The following ANKFY1 variants were observed in gnomAD, a reference collection of about 807,000 sequenced individuals.
The protein encoded by ANKFY1 is ankyrin repeat and FYVE domain containing 1.
Under a neutral mutation model 128.3 loss-of-function variants are expected in ANKFY1, and 47 were observed. The ratio of observed to expected loss-of-function variants is 0.37; its 90% CI spans 0.29 to 0.47. The LOEUF (loss-of-function observed/expected upper bound fraction) is 0.47. Ranked by LOEUF, ANKFY1 falls within the 20% of genes least tolerant of loss-of-function variation. ANKFY1 has a pLI of 1.00. For synonymous variants in ANKFY1, 553 were observed against 601.6 expected (o/e 0.92, Z 1.18); for missense variants, 1,222 against 1,510.6 (o/e 0.81, Z 3.17).
intron 1 of ANKFY1, among the ~76,000 whole-genome samples, chr17:4,259,185 G>A (rs1312236015): frequency 6.6e-6 from 1 of 152,208 alleles, no homozygotes. Flanking sequence ...AGGACACTGA[G>A]ACTGACAGCA....
intron 2 of ANKFY1, among the ~76,000 whole-genome samples, chr17:4,239,209 T>C (rs974296421): frequency 6.6e-6 from 1 of 152,240 alleles, no homozygotes. Flanking sequence ...ATAAAATTAC[T>C]AATCAATTGA....
chr17:4,228,504 C>A (rs564209713), intron 3 of ANKFY1, among the ~76,000 whole-genome samples: 281 of 152,070 alleles, frequency 1.8e-3, no homozygotes, highest in African/African-American at 6.6e-3. Context: ...GCAACCTCTG[C>A]CTCCCAGGTT....
rs1008078735 is a variant in ANKFY1, at chr17:4,167,459, A to C, written c.*320T>G. ...ATGGACACCAAGCTACTGGAAGGGG[A>C]AATGGTTTTCCAAGTGTCCCTGTAT... On this transcript the variant is annotated 3_prime_UTR_variant, in exon 25 of 25. Transcript: ENST00000341657. The surrounding 1 kb of genome is among the most constrained non-coding windows in gnomAD (Gnocchi z 4.1). The C allele has an allele frequency of 4.9e-6, 1 of 202,860 alleles. No homozygotes were observed. The highest frequency in any genetic ancestry group is 9.9e-6 in the Non-Finnish European group (1 of 101,228). 12.6% of individuals were successfully genotyped at this position (202,860 alleles called of 1,614,324 possible).
chr17:4,263,442 G>T (rs1288513639), intron 1 of ANKFY1, among the ~76,000 whole-genome samples: 1 of 152,174 alleles, frequency 6.6e-6, no homozygotes, highest in Non-Finnish European at 1.5e-5. Flanking sequence ...CTGAAGCGTG[G>T]GCCAGCTCGC....
chr17:4,221,235 G>T (rs2060306455), intron 3 of ANKFY1, among the ~76,000 whole-genome samples: 1 of 152,034 alleles, frequency 6.6e-6, no homozygotes, highest in African/African-American at 2.4e-5. Context: ...ATTTATTTAG[G>T]GACAGAGCCA....
intron 17 of ANKFY1, 65 bp downstream of exon 17, chr17:4,179,656 C>T (rs1436733370): frequency 1.3e-6 from 2 of 1,583,984 alleles, no homozygotes; most frequent in Non-Finnish European, 1.7e-6. Context: ...GGTCCTCTGC[C>T]ATAGGAGGAG....
intron 8 of ANKFY1, 96 bp downstream of exon 8, chr17:4,197,277 C>T: frequency 7.6e-7 from 1 of 1,318,094 alleles, no homozygotes; most frequent in East Asian, 2.3e-5. Context: ...TAATGCCAAA[C>T]TAAAGAACAT....
chr17:4,249,629 A>T (rs1967729147), intron 1 of ANKFY1, among the ~76,000 whole-genome samples: 1 of 152,154 alleles, frequency 6.6e-6, no homozygotes, highest in African/African-American at 2.4e-5. Flanking sequence ...TGGAACACCT[A>T]GAATTCTGTA....
intron 3 of ANKFY1, among the ~76,000 whole-genome samples, chr17:4,234,210 T>C (rs1192137948): frequency 6.6e-6 from 1 of 151,646 alleles, no homozygotes; most frequent in African/African-American, 2.4e-5. Context: ...AACTATACTC[T>C]ATGATGCTCC....
chr17:4,169,297 C>A lies in ANKFY1; in HGVS notation c.3287-9G>T. 1 of 1,543,644 alleles carries A rather than the reference C, an allele frequency of 6.5e-7. No homozygotes were observed. Among genetic ancestry groups the A allele is most frequent in the African/African-American group, 1.4e-5 (1 of 73,024 alleles). ...CTCCTTGGACAGCATATCTGCAACA[C>A]AGGGGGGAGGCCCGGTCCCGTCAAA... On this transcript the variant is annotated splice_polypyrimidine_tract_variant and intron_variant, in intron 23 of 24. Coordinates refer to ENST00000341657, the MANE Select transcript of ANKFY1 (RefSeq NM_001330063.2). The surrounding 1 kb of genome is among the most constrained non-coding windows in gnomAD (Gnocchi z 5.0).
chr17:4,201,622 T>C (rs573323781), intron 7 of ANKFY1, among the ~76,000 whole-genome samples: 10 of 152,328 alleles, frequency 6.6e-5, no homozygotes, highest in African/African-American at 2.2e-4. Flanking sequence ...GAATGAATCA[T>C]GACTTCAGGT....
intron 3 of ANKFY1, among the ~76,000 whole-genome samples, chr17:4,225,119 G>T (rs1598107867): frequency 6.6e-6 from 1 of 151,996 alleles, no homozygotes; most frequent in African/African-American, 2.4e-5. Flanking sequence ...ACTCTGGGAG[G>T]CCGAGGCAGG....
chr17:4,244,768 G>A (rs1392691887), intron 1 of ANKFY1, among the ~76,000 whole-genome samples: 3 of 151,794 alleles, frequency 2.0e-5, no homozygotes, highest in Non-Finnish European at 4.4e-5. Context: ...AAATCTGATC[G>A]CTCTCCTCGA....
chr17:4,211,975 T>TA (rs1307278655), intron 4 of ANKFY1, among the ~76,000 whole-genome samples: 29 of 151,326 alleles, frequency 1.9e-4, no homozygotes, highest in African/African-American at 7.0e-4. Flanking sequence ...GGCAAATAGG[T>TA]CTCTGGTAGC....
At position 4,165,022 on chromosome 17, in the gene ANKFY1, C is replaced by G. The variant is rs969903494; in HGVS notation, c.*2757G>C. 6.6e-6 allele frequency: 1 copy of G among 152,544 alleles called. No homozygotes were observed. The highest frequency in any genetic ancestry group is 2.4e-5 in the African/African-American group (1 of 41,444). 9.4% of individuals were successfully genotyped at this position (152,544 alleles called of 1,614,324 possible). On this transcript the variant is annotated 3_prime_UTR_variant, in exon 25 of 25. Transcript: ENST00000341657. ...AAATGGAACACATGTTCTAACACAT[C>G]GTTCAGTGAGACACCACGAAAAAGA...
At chr17:4,254,224 A>G (rs1041013716) in intron 1 of ANKFY1, among the ~76,000 whole-genome samples, 30 of 150,076 alleles carry the variant, frequency 2.0e-4, no homozygotes, top group African/African-American at 6.5e-4. Context: ...GAATCGCCTG[A>G]ACCTGGGAGG....
At chr17:4,213,391 T>TG (rs1477273541) in intron 4 of ANKFY1, among the ~76,000 whole-genome samples, 1 of 151,894 alleles carries the variant, frequency 6.6e-6, no homozygotes, top group Non-Finnish European at 1.5e-5. Flanking sequence ...GGTTTCACCA[T>TG]GGCAGACTGG....
chr17:4,178,679 A>G lies in ANKFY1; in HGVS notation c.2598+178T>C. The G allele has an allele frequency of 1.5e-6, 1 of 649,416 alleles. No individual in the cohort carries two copies. Among genetic ancestry groups the G allele is most frequent in the Non-Finnish European group, 2.7e-6 (1 of 375,710 alleles). The allele number at this position is 649,416 out of a possible 1,614,324, so 40.2% of individuals were successfully genotyped here. A position where few individuals can be genotyped will look rare whatever the true frequency, so the allele number is the denominator to read the frequency against. On this transcript the variant is annotated intron_variant, in intron 18 of 24. Coordinates refer to ENST00000341657, the MANE Select transcript of ANKFY1 (RefSeq NM_001330063.2). The surrounding 1 kb of genome is among the most constrained non-coding windows in gnomAD (Gnocchi z 4.1). ...TCAGGCGCTGACACACAGGCAGAGG[A>G]GCCGGATCTCATCCTGCACGGATGG...
chr17:4,256,409 T>C (rs140702869), intron 1 of ANKFY1, among the ~76,000 whole-genome samples: 187 of 152,012 alleles, frequency 1.2e-3, no homozygotes, highest in Non-Finnish European at 1.5e-3. Context: ...GCCTGGGCAA[T>C]AGAGCGAGAC....
Sources: allele counts gnomAD v4.1 joint callset (sites outside exome capture counted in the v4.1 genomes callset), GRCh38; gene constraint gnomAD v4.1.1; non-coding constraint Gnocchi (gnomAD v3.1); transcripts MANE v1.5; gene names NCBI Gene and HGNC (gene_info 2026-07-23, HGNC 2026-07-21).